RARB: variants seen among roughly 807,000 people sequenced by gnomAD.
RARB encodes the protein retinoic acid receptor beta.
RARB carries 17 observed loss-of-function variants against 51.9 expected under a neutral mutation model. That is an observed-to-expected ratio of 0.33 (90% confidence interval 0.22 to 0.49). The LOEUF is 0.49. Among genes scored for constraint, RARB ranks in the 20% least tolerant of loss-of-function variants. The pLI is 0.99. For missense variants in RARB, 369 were observed against 550.8 expected (o/e 0.67, Z 3.30); for synonymous variants, 215 against 195.4 (o/e 1.10, Z -0.84).
intron 1 of RARB, among the ~76,000 whole-genome samples, chr3:24,835,707 CAGCCAGGTTCT>C (rs1405114355): frequency 6.6e-6 from 1 of 152,164 alleles, no homozygotes; most frequent in Non-Finnish European, 1.5e-5. Flanking sequence ...TCCCCAGTAA[CAGCCAGGTTCT>C]ATATCTATGA....
chr3:24,968,905 C>T (rs753412264), intron 2 of RARB, among the ~76,000 whole-genome samples: 5 of 152,070 alleles, frequency 3.3e-5, no homozygotes, highest in African/African-American at 7.2e-5. Flanking sequence ...CTTTCAGATT[C>T]ATATAAATCA....
At chr3:25,581,408 G>C (rs1419192625) in intron 5 of RARB, among the ~76,000 whole-genome samples, 1 of 152,136 alleles carries the variant, frequency 6.6e-6, no homozygotes, top group Non-Finnish European at 1.5e-5. Flanking sequence ...CCCATCCAAG[G>C]AAACAGTCCC....
intron 1 of RARB, among the ~76,000 whole-genome samples, chr3:24,836,043 T>G (rs534094675): frequency 2.0e-5 from 3 of 152,204 alleles, no homozygotes; most frequent in Non-Finnish European, 4.4e-5. Flanking sequence ...AAATGCTCTG[T>G]GTTCTCTTTC....
rs184817514 is a variant in RARB, at chr3:24,914,885, G to A, written c.-380+56133G>A. On this transcript the variant is annotated intron_variant, in intron 2 of 11. Transcript: ENST00000383772. ...GTATTGTCCTGTCTTAACCACCTGT[G>A]CACTATAAATGTACCTCACTGTGAC... is the stretch of plus-strand genomic sequence containing the variant. 5.3e-5 allele frequency among the ~76,000 whole-genome samples: 8 copies of A among 152,286 alleles called. No homozygotes were observed. The East Asian group carries it at 1.5e-3, about 29-fold the overall frequency.
intron 2 of RARB, among the ~76,000 whole-genome samples, chr3:24,901,217 G>T (rs1208431635): frequency 6.6e-6 from 1 of 152,264 alleles, no homozygotes; most frequent in African/African-American, 2.4e-5. Context: ...TCCTTTCCTG[G>T]GAAACTGGGA....
At chr3:25,293,586 G>T (rs1423848200) in intron 5 of RARB, among the ~76,000 whole-genome samples, 1 of 36,356 alleles carries the variant, frequency 2.8e-5, no homozygotes, top group Admixed American at 4.6e-4. Flanking sequence ...CGAGGCTAGA[G>T]TTACTCCATT....
intron 5 of RARB, among the ~76,000 whole-genome samples, chr3:25,391,096 C>A (rs998437516): frequency 3.9e-5 from 6 of 152,032 alleles, no homozygotes; most frequent in Non-Finnish European, 4.4e-5. Flanking sequence ...CATTCTTATG[C>A]CTTGGTGTCC....
intron 5 of RARB, among the ~76,000 whole-genome samples, chr3:25,202,745 T>G (rs867342961): frequency 6.6e-6 from 1 of 152,214 alleles, no homozygotes; most frequent in African/African-American, 2.4e-5. Flanking sequence ...TTGAGCAGTT[T>G]TGAGTGAGTT....
At chr3:25,284,968 C>T (rs1703614109) in intron 5 of RARB, among the ~76,000 whole-genome samples, 2 of 152,178 alleles carry the variant, frequency 1.3e-5, no homozygotes, top group African/African-American at 4.8e-5. Context: ...CTTATAGCAG[C>T]TCTGTGAGAT....
chr3:25,255,831 G>A, intron 5 of RARB, among the ~76,000 whole-genome samples: 1 of 152,066 alleles, frequency 6.6e-6, no homozygotes, highest in Admixed American at 6.6e-5. Context: ...ATACCCTTGA[G>A]TCAAGTGTGT....
chr3:25,472,503 G>T (rs1182796538), intron 2 of RARB, among the ~76,000 whole-genome samples: 1 of 151,998 alleles, frequency 6.6e-6, no homozygotes, highest in Non-Finnish European at 1.5e-5. Flanking sequence ...TCTACCATAG[G>T]TTTTTTTTAT....
chr3:25,397,053 C>T (rs1422510171), intron 5 of RARB, among the ~76,000 whole-genome samples: 1 of 152,130 alleles, frequency 6.6e-6, no homozygotes, highest in African/African-American at 2.4e-5. Context: ...ATTCACTGCC[C>T]CCGCAACCTC....
At chr3:25,364,057 T>C (rs1184558670) in intron 5 of RARB, among the ~76,000 whole-genome samples, 4 of 152,208 alleles carry the variant, frequency 2.6e-5, no homozygotes, top group African/African-American at 9.6e-5. Context: ...CATTTCTGAT[T>C]CTCCTTACAG....
At chr3:25,096,591 T>G (rs1699295824) in intron 3 of RARB, among the ~76,000 whole-genome samples, 1 of 152,156 alleles carries the variant, frequency 6.6e-6, no homozygotes, top group Non-Finnish European at 1.5e-5. Context: ...GTTTTCTGTT[T>G]CCCTCAGGTA....
At chr3:25,533,067 C>A (rs2125645812) in intron 3 of RARB, among the ~76,000 whole-genome samples, 1 of 152,142 alleles carries the variant, frequency 6.6e-6, no homozygotes, top group East Asian at 1.9e-4. Flanking sequence ...TAATATTTGC[C>A]AAAAATACTC....
At chr3:25,017,347 T>G (rs1198451807) in intron 2 of RARB, among the ~76,000 whole-genome samples, 2 of 150,572 alleles carry the variant, frequency 1.3e-5, no homozygotes, top group Non-Finnish European at 2.9e-5. Context: ...CTATGTCTTC[T>G]CAAAGTTTAA....
intron 5 of RARB, among the ~76,000 whole-genome samples, chr3:25,273,076 C>G (rs1270287204): frequency 6.6e-6 from 1 of 152,114 alleles, no homozygotes; most frequent in South Asian, 2.1e-4. Flanking sequence ...CATAGATAGC[C>G]CTGAGCCTAC....
chr3:25,354,579 T>C (rs1705675110), intron 5 of RARB, among the ~76,000 whole-genome samples: 1 of 152,186 alleles, frequency 6.6e-6, no homozygotes, highest in South Asian at 2.1e-4. Flanking sequence ...TTCTTCCTCA[T>C]ACATTGAAGA....
intron 5 of RARB, among the ~76,000 whole-genome samples, chr3:25,320,350 C>A (rs1423056648): frequency 6.6e-6 from 1 of 152,128 alleles, no homozygotes; most frequent in Non-Finnish European, 1.5e-5. Flanking sequence ...ATTATTTTCT[C>A]TGTAGTAGTA....
Sources: allele counts gnomAD v4.1 joint callset (sites outside exome capture counted in the v4.1 genomes callset), GRCh38; gene constraint gnomAD v4.1.1; transcripts MANE v1.5; gene names NCBI Gene and HGNC (gene_info 2026-07-23, HGNC 2026-07-21).